The following FAM227A variants were observed in gnomAD, a reference collection of about 807,000 sequenced individuals.
The protein encoded by FAM227A is family with sequence similarity 227 member A.
A neutral mutation model predicts 74.7 loss-of-function variants in FAM227A; 80 were observed. The observed-to-expected ratio is 1.07, with a 90% CI of 0.89 to 1.29. The LOEUF is 1.29. Ranked by LOEUF, FAM227A falls within the 50% of genes most tolerant of loss-of-function variation. The probability of loss-of-function intolerance (pLI) is 0.00; values close to 1 mark genes in which losing one functional copy is unlikely to be tolerated. For missense variants in FAM227A, 654 were observed against 683.4 expected (o/e 0.96, Z 0.48); for synonymous variants, 237 against 241.8 (o/e 0.98, Z 0.19).
At chr22:38,644,762 C>G (rs370848373) in intron 3 of FAM227A, among the ~76,000 whole-genome samples, 2 of 152,154 alleles carry the variant, frequency 1.3e-5, no homozygotes, top group East Asian at 1.9e-4. Context: ...ACTCTCTGCT[C>G]GATTTCGCTG....
At chr22:38,653,218 A>G (rs1569247693) in intron 1 of FAM227A, among the ~76,000 whole-genome samples, 2 of 152,134 alleles carry the variant, frequency 1.3e-5, no homozygotes, top group Admixed American at 1.3e-4. Context: ...ATGCCTGATG[A>G]TCTGTCACTG....
At chr22:38,631,638 T>A (rs894922766) in intron 6 of FAM227A, among the ~76,000 whole-genome samples, 1 of 151,940 alleles carries the variant, frequency 6.6e-6, no homozygotes, top group Non-Finnish European at 1.5e-5. Flanking sequence ...ACTTGACACA[T>A]GTGGGGTACT....
Position 38,632,089 on chromosome 22 carries a change from T to C in FAM227A, c.520-3154A>G, listed in dbSNP as rs114364168. On this transcript the variant is annotated intron_variant, in intron 6 of 16. Transcript: ENST00000535113. ...GTGTTTTCAACAAGACGGCGAGCCC[T>C]GGAGGAAAAGCAGAACGGATGGGTA... Among the ~76,000 whole-genome samples, 1,468 of 152,048 alleles carry C rather than the reference T, an allele frequency of 9.7e-3. 31 individuals are homozygous for C. The highest frequency in any genetic ancestry group is 0.034 in the African/African-American group (1,422 of 41,456).
intron 1 of FAM227A, among the ~76,000 whole-genome samples, chr22:38,654,136 C>T (rs2092357982): frequency 6.6e-6 from 1 of 151,948 alleles, no homozygotes; most frequent in Non-Finnish European, 1.5e-5. Context: ...ATGACGAGGT[C>T]AGGAGATCCA....
intron 2 of FAM227A, among the ~76,000 whole-genome samples, chr22:38,646,472 T>G (rs939843600): frequency 6.6e-6 from 1 of 150,380 alleles, no homozygotes; most frequent in East Asian, 2.0e-4. Context: ...CCGTTTTAGC[T>G]GGGATGGTCT....
intron 13 of FAM227A, among the ~76,000 whole-genome samples, chr22:38,604,792 T>C (rs897750677): frequency 2.0e-5 from 3 of 152,112 alleles, no homozygotes; most frequent in Admixed American, 1.3e-4. Flanking sequence ...TGGCTGGGAT[T>C]ATAGGCACGC....
intron 6 of FAM227A, among the ~76,000 whole-genome samples, chr22:38,633,833 C>T (rs748259230): frequency 6.6e-6 from 1 of 152,162 alleles, no homozygotes; most frequent in Non-Finnish European, 1.5e-5. Context: ...AGCCACTGTG[C>T]CCGGCCTATC....
rs1346297800 is a variant in FAM227A at position 38,580,747 on chromosome 22, G to A, written c.*5378C>T. 1.3e-5 allele frequency: 2 copies of A among 152,144 alleles called. No individual in the cohort carries two copies. The highest frequency in any genetic ancestry group is 4.8e-5 in the African/African-American group (2 of 41,426). The allele number at this position is 152,144 out of a possible 1,614,324, so 9.4% of individuals were successfully genotyped here. On this transcript the variant is annotated 3_prime_UTR_variant, in exon 17 of 17. Transcript: ENST00000535113. ...TACCAATTTTCAAAATAATGAGGAA[G>A]TTTCCTAGTATCCAATTAGTTTCCT...
At chr22:38,606,307 C>T (rs1192796186) in intron 12 of FAM227A, among the ~76,000 whole-genome samples, 1 of 152,194 alleles carries the variant, frequency 6.6e-6, no homozygotes, top group Non-Finnish European at 1.5e-5. Context: ...GCTCAGACTA[C>T]AGATGTGCAC....
At chr22:38,650,695 A>C (rs5757204) in intron 1 of FAM227A, among the ~76,000 whole-genome samples, 44,812 of 151,922 alleles carry the variant, frequency 0.29, 6,703 homozygotes, top group East Asian at 0.36. Flanking sequence ...TTCTAGAATA[A>C]GGGGTCCATC....
chr22:38,586,831 G>C (rs1270560374), intron 16 of FAM227A, among the ~76,000 whole-genome samples: 1 of 151,742 alleles, frequency 6.6e-6, no homozygotes, highest in African/African-American at 2.4e-5. Flanking sequence ...ACCATGCCCA[G>C]CTAATTTGTT....
At chr22:38,586,297 C>G in intron 16 of FAM227A, 98 bp from the exon 17 acceptor site, 1 of 1,334,422 alleles carries the variant, frequency 7.5e-7, no homozygotes, top group South Asian at 1.4e-5. Flanking sequence ...CAGTGGTGAT[C>G]CTTGTGTGCA....
Position 38,581,036 on chromosome 22 carries a change from C to T in FAM227A, c.*5089G>A, listed in dbSNP as rs538628189. 2.6e-5 allele frequency: 4 copies of T among 152,356 alleles called. No homozygotes were observed. The East Asian group carries it at 7.7e-4, about 29-fold the overall frequency. The allele number at this position is 152,356 out of a possible 1,614,324, so 9.4% of individuals were successfully genotyped here. ...TCAGGTGATCTGCCCACCTCGGCCT[C>T]CCAAAGTGCTGGGATTACAGGCGTG... On this transcript the variant is annotated 3_prime_UTR_variant, in exon 17 of 17. Transcript: ENST00000535113.
chr22:38,620,114 G>T, intron 11 of FAM227A, 98 bp downstream of exon 11: 1 of 814,374 alleles, frequency 1.2e-6, no homozygotes, highest in Non-Finnish European at 2.0e-6. Flanking sequence ...GTACAGAGAT[G>T]TGCAACTAAC....
intron 10 of FAM227A, among the ~76,000 whole-genome samples, chr22:38,621,165 T>C (rs1218989756): frequency 6.6e-6 from 1 of 151,874 alleles, no homozygotes; most frequent in African/African-American, 2.4e-5. Context: ...GGTGAAACCC[T>C]GTCTCACCCT....
intron 11 of FAM227A, among the ~76,000 whole-genome samples, chr22:38,611,396 G>A (rs79091541): frequency 0.045 from 6,859 of 152,208 alleles, 278 homozygotes; most frequent in African/African-American, 0.1. Flanking sequence ...TAGCAGGTAT[G>A]GGCAAGAGCT....
chr22:38,643,929 C>T (rs1458742052), intron 3 of FAM227A, among the ~76,000 whole-genome samples: 3 of 151,870 alleles, frequency 2.0e-5, no homozygotes, highest in African/African-American at 4.8e-5. Context: ...GGGCGGATCA[C>T]GAGGTCAGGA....
chr22:38,600,161 T>C (rs2091140916), intron 13 of FAM227A, among the ~76,000 whole-genome samples: 1 of 152,052 alleles, frequency 6.6e-6, no homozygotes, highest in South Asian at 2.1e-4. Context: ...AAGAAGACAT[T>C]GATCTCTTTA....
intron 9 of FAM227A, among the ~76,000 whole-genome samples, chr22:38,624,269 G>A (rs1169893327): frequency 6.6e-6 from 1 of 152,080 alleles, no homozygotes; most frequent in African/African-American, 2.4e-5. Flanking sequence ...GCCGGGCATG[G>A]TGGCATGCAC....
Sources: gnomAD v4.1 joint callset for allele counts (sites outside exome capture counted in the v4.1 genomes callset) on GRCh38, gnomAD v4.1.1 for gene constraint, MANE v1.5 for transcripts, NCBI Gene and HGNC (gene_info 2026-07-23, HGNC 2026-07-21) for gene names.